Variants in FAM219A observed in about 807,000 individuals in gnomAD.
FAM219A encodes the protein protein FAM219A.
In FAM219A, 7 loss-of-function variants were observed where a neutral mutation model predicts 23.4. The ratio of observed to expected loss-of-function variants is 0.30; its 90% CI spans 0.17 to 0.56. FAM219A has a LOEUF of 0.56. Ranked by LOEUF, FAM219A falls within the 20% of genes least tolerant of loss-of-function variation. The probability of loss-of-function intolerance (pLI) is 0.92; values close to 1 mark genes in which losing one functional copy is unlikely to be tolerated. For missense variants in FAM219A, 166 were observed against 246.9 expected (o/e 0.67, Z 2.20); for synonymous variants, 93 against 99.0 (o/e 0.94, Z 0.36).
chr9:34,452,469 C>T (rs190352071), intron 1 of FAM219A, among the ~76,000 whole-genome samples: 19 of 152,300 alleles, frequency 1.2e-4, no homozygotes, highest in Non-Finnish European at 2.1e-4. Flanking sequence ...CTCTCCATTC[C>T]GCCTCCCAAC....
At chr9:34,431,082 G>A (rs1047981000) in intron 1 of FAM219A, among the ~76,000 whole-genome samples, 5 of 152,200 alleles carry the variant, frequency 3.3e-5, no homozygotes, top group Non-Finnish European at 7.3e-5. Context: ...CCCATGGCCC[G>A]CATGAACTGA....
intron 2 of FAM219A, among the ~76,000 whole-genome samples, chr9:34,404,613 C>T (rs1010171123): frequency 6.6e-6 from 1 of 152,118 alleles, no homozygotes; most frequent in Non-Finnish European, 1.5e-5. Context: ...GAGGCTGAGG[C>T]AGGAGAATCG....
In FAM219A at chr9:34,398,343, G is replaced by C; in HGVS notation, c.*2621C>G. The C allele has an allele frequency of 1.9e-6, 3 of 1,550,750 alleles. No individual in the cohort carries two copies. Among genetic ancestry groups the C allele is most frequent in the Non-Finnish European group, 2.6e-6 (3 of 1,147,016 alleles). Reference sequence around the variant, plus strand: ...TAAATTAGTGAGCACGGAGAAACCTGGCTGGGTGGCAGCCACAGCTGAGAG... The same window carrying C: ...TAAATTAGTGAGCACGGAGAAACCTCGCTGGGTGGCAGCCACAGCTGAGAG... On this transcript the variant is annotated 3_prime_UTR_variant, in exon 6 of 6. Transcript: ENST00000651358.
At chr9:34,420,777 G>C (rs1822239166) in intron 1 of FAM219A, among the ~76,000 whole-genome samples, 1 of 151,850 alleles carries the variant, frequency 6.6e-6, no homozygotes, top group South Asian at 2.1e-4. Flanking sequence ...AGGAGTTCAA[G>C]ACGAGTCTGG....
intron 1 of FAM219A, among the ~76,000 whole-genome samples, chr9:34,410,639 C>T (rs1461571502): frequency 6.6e-6 from 1 of 152,198 alleles, no homozygotes; most frequent in Non-Finnish European, 1.5e-5. Flanking sequence ...ACTCCTCCTC[C>T]ACTGGGCAAC....
chr9:34,398,632 A>C lies in FAM219A; in HGVS notation c.*2332T>G. 2.0e-6 allele frequency: 1 copy of C among 500,052 alleles called. No individual in the cohort carries two copies. Among genetic ancestry groups the C allele is most frequent in the Non-Finnish European group, 3.6e-6 (1 of 276,100 alleles). The allele number at this position is 500,052 out of a possible 1,614,324, so 31.0% of individuals were successfully genotyped here. On this transcript the variant is annotated 3_prime_UTR_variant, in exon 6 of 6. Coordinates refer to ENST00000651358, the MANE Select transcript of FAM219A (RefSeq NM_001184940.2). ...GTCTCAGGGCCACAGAGATTGAACA[A>C]TGGGCCCGAGTCACACTGCAAGTCA...
intron 1 of FAM219A, among the ~76,000 whole-genome samples, chr9:34,425,411 C>T (rs559476870): frequency 1.3e-5 from 2 of 152,164 alleles, no homozygotes; most frequent in South Asian, 2.1e-4. Flanking sequence ...ACCTGGGAGG[C>T]GGAGGTTGCA....
chr9:34,456,929 C>A (rs961044865), intron 1 of FAM219A, among the ~76,000 whole-genome samples: 5 of 152,160 alleles, frequency 3.3e-5, no homozygotes, highest in Admixed American at 3.3e-4. Context: ...TGGGTCCCTG[C>A]CGAGGCCCAT....
chr9:34,418,588 G>C (rs900550710), intron 1 of FAM219A, among the ~76,000 whole-genome samples: 1 of 152,182 alleles, frequency 6.6e-6, no homozygotes, highest in Admixed American at 6.5e-5. Flanking sequence ...AGATGTTGAG[G>C]ATGCTCCTGC....
chr9:34,449,821 C>T (rs1005175539), intron 1 of FAM219A, among the ~76,000 whole-genome samples: 2 of 152,140 alleles, frequency 1.3e-5, no homozygotes, highest in Non-Finnish European at 2.9e-5. Flanking sequence ...GTCTTTAAAA[C>T]GTCAGTGGGC....
At chr9:34,406,127 C>T (rs941221289) in intron 1 of FAM219A, among the ~76,000 whole-genome samples, 163 bp from the exon 2 acceptor site, 1 of 152,154 alleles carries the variant, frequency 6.6e-6, no homozygotes, top group Non-Finnish European at 1.5e-5. Flanking sequence ...ACCCATCTAC[C>T]GTGGGACAAA....
chr9:34,419,443 G>A (rs1479887324), intron 1 of FAM219A, among the ~76,000 whole-genome samples: 3 of 152,120 alleles, frequency 2.0e-5, no homozygotes, highest in East Asian at 1.9e-4. Flanking sequence ...GGTTAACAGC[G>A]CTTTAGGGAG....
chr9:34,435,597 A>G (rs994657012), intron 1 of FAM219A, among the ~76,000 whole-genome samples: 2 of 152,190 alleles, frequency 1.3e-5, no homozygotes, highest in African/African-American at 4.8e-5. Flanking sequence ...TTAAACATAC[A>G]TGGAATCAGA....
chr9:34,433,322 T>C (rs1822783334), intron 1 of FAM219A, among the ~76,000 whole-genome samples: 1 of 152,150 alleles, frequency 6.6e-6, no homozygotes, highest in Non-Finnish European at 1.5e-5. Flanking sequence ...TTTATCTCTA[T>C]GGGAAACTAA....
intron 1 of FAM219A, among the ~76,000 whole-genome samples, chr9:34,446,610 C>A (rs1823384523): frequency 6.6e-6 from 1 of 152,236 alleles, no homozygotes; most frequent in Non-Finnish European, 1.5e-5. Context: ...AGAACACATT[C>A]ACATTCCCAC....
chr9:34,416,201 A>AAGAT lies in FAM219A; in HGVS notation c.61-10238_61-10237insATCT, dbSNP rs1446407082. 1.1e-4 allele frequency among the ~76,000 whole-genome samples: 11 copies of AAGAT among 103,636 alleles called. No individual in the cohort carries two copies. In the South Asian group the frequency reaches 1.1e-3, roughly 11 times the overall value. 68.0% of individuals were successfully genotyped at this position (103,636 alleles called of 152,430 possible). A position where few individuals can be genotyped will look rare whatever the true frequency, so the allele number is the denominator to read the frequency against. On this transcript the variant is annotated intron_variant, in intron 1 of 5. Transcript: ENST00000651358. ...GAAAGAGAAAAGAAAGAAAGAAAGAAAGAAAGAAAGAAAGAAAGAAAGAAA... is the reference window on the plus strand; with the variant it reads ...GAAAGAGAAAAGAAAGAAAGAAAGAAAGATAGAAAGAAAGAAAGAAAGAAAGAAA...
At chr9:34,451,656 C>G (rs1823567454) in intron 1 of FAM219A, among the ~76,000 whole-genome samples, 1 of 152,156 alleles carries the variant, frequency 6.6e-6, no homozygotes, top group Non-Finnish European at 1.5e-5. Context: ...TATAGGCAGT[C>G]AAGGGCAGCA....
At position 34,402,425 on chromosome 9, in the gene FAM219A, G is replaced by A. The variant is rs775234803; in HGVS notation, c.306C>T (p.Ser102=). 1 of 1,614,228 alleles carries A rather than the reference G, an allele frequency of 6.2e-7. No homozygotes were observed. The highest frequency in any genetic ancestry group is 8.5e-7 in the Non-Finnish European group (1 of 1,180,028). ...GGGCTACCAGTGGCTTCTCATCAGGGCTCTGGTCAAGTGAGGAGTAGCCTT... is the reference window on the plus strand; with the variant it reads ...GGGCTACCAGTGGCTTCTCATCAGGACTCTGGTCAAGTGAGGAGTAGCCTT... ...PNKGYSSLDQ[S]PDEKPLVALD... Residue 102 remains serine, a synonymous_variant, in exon 4 of 6, where the codon AGC becomes AGT. Transcript: ENST00000651358.
At chr9:34,407,916 A>G (rs1821695922) in intron 1 of FAM219A, among the ~76,000 whole-genome samples, 1 of 152,188 alleles carries the variant, frequency 6.6e-6, no homozygotes, top group South Asian at 2.1e-4. Context: ...CTTTAAAATG[A>G]GGCAGTGGGC....
Sources: allele counts gnomAD v4.1 joint callset (sites outside exome capture counted in the v4.1 genomes callset), GRCh38; gene constraint gnomAD v4.1.1; transcripts MANE v1.5; gene names NCBI Gene and HGNC (gene_info 2026-07-23, HGNC 2026-07-21).